Variants in OR51B5 observed in about 807,000 individuals in gnomAD.
The protein encoded by OR51B5 is olfactory receptor 51B5.
For missense variants in OR51B5, 456 were observed against 374.6 expected, an observed-to-expected ratio of 1.22 and a Z score of -1.79; for synonymous variants, 186 against 144.8, an observed-to-expected ratio of 1.28 and a Z score of -2.04.
At chr11:5,485,557 C>T (rs971249504) in intron 1 of OR51B5, among the ~76,000 whole-genome samples, 1 of 152,108 alleles carries the variant, frequency 6.6e-6, no homozygotes, top group Admixed American at 6.5e-5. Flanking sequence ...AGTCAAAGTC[C>T]CTTCTGTGGC....
intron 1 of OR51B5, among the ~76,000 whole-genome samples, chr11:5,483,949 A>G (rs955829755): frequency 6.6e-6 from 1 of 152,118 alleles, no homozygotes; most frequent in Non-Finnish European, 1.5e-5. Flanking sequence ...ACTCCCTTGA[A>G]CCTGCAGAGA....
At chr11:5,383,911 C>A (rs1172745338) in intron 1 of OR51B5, 2 of 152,156 alleles carry the variant, frequency 1.3e-5, no homozygotes, top group Non-Finnish European at 1.5e-5. Flanking sequence ...TTTGTTATTA[C>A]CTGCTGGTGA....
At chr11:5,494,673 G>A (rs1470369626) in intron 1 of OR51B5, among the ~76,000 whole-genome samples, 1 of 152,098 alleles carries the variant, frequency 6.6e-6, no homozygotes, top group Non-Finnish European at 1.5e-5. Context: ...CCTTCAACAA[G>A]TCATTTTCCC....
At chr11:5,411,036 T>A (rs1564804416) in intron 1 of OR51B5, among the ~76,000 whole-genome samples, 1 of 152,184 alleles carries the variant, frequency 6.6e-6, no homozygotes, top group African/African-American at 2.4e-5. Flanking sequence ...AGAAAACTAT[T>A]TTTTATAAAT....
intron 1 of OR51B5, chr11:5,403,436 T>C (rs1422896692): frequency 2.1e-6 from 1 of 471,598 alleles, no homozygotes; most frequent in East Asian, 7.0e-5. Flanking sequence ...TGATGGCCAA[T>C]GCCTACCTCT....
chr11:5,488,792 G>A (rs1407088223), intron 1 of OR51B5: 1 of 1,613,998 alleles, frequency 6.2e-7, no homozygotes. Flanking sequence ...GCCCACTTCT[G>A]GATTGCCATC....
chr11:5,400,778 T>C (rs1368410077), intron 1 of OR51B5, among the ~76,000 whole-genome samples: 1 of 152,232 alleles, frequency 6.6e-6, no homozygotes, highest in African/African-American at 2.4e-5. Flanking sequence ...GTTGCCTTGG[T>C]CCTGCAAGGT....
At chr11:5,466,315 T>C (rs1458651720) in intron 1 of OR51B5, among the ~76,000 whole-genome samples, 1 of 152,178 alleles carries the variant, frequency 6.6e-6, no homozygotes, top group Admixed American at 6.5e-5. Context: ...TATTTACATA[T>C]ATGTGATGAT....
intron 1 of OR51B5, among the ~76,000 whole-genome samples, chr11:5,365,345 A>C (rs1849348078): frequency 6.6e-6 from 1 of 152,226 alleles, no homozygotes; most frequent in Non-Finnish European, 1.5e-5. Flanking sequence ...CTGATGCCAA[A>C]GGCAAACCAA....
At chr11:5,443,863 G>GCA (rs533103895) in intron 1 of OR51B5, among the ~76,000 whole-genome samples, 5,143 of 150,770 alleles carry the variant, frequency 0.034, 99 homozygotes, top group Middle Eastern at 0.065. Context: ...AATATCATGA[G>GCA]CACACACACA....
chr11:5,397,093 T>A (rs572601992), intron 1 of OR51B5, among the ~76,000 whole-genome samples: 11 of 152,246 alleles, frequency 7.2e-5, no homozygotes, highest in African/African-American at 2.6e-4. Context: ...CCTAAAACCA[T>A]AAAAACTCTA....
intron 1 of OR51B5, among the ~76,000 whole-genome samples, chr11:5,382,479 C>A (rs1849623852): frequency 6.6e-6 from 1 of 152,142 alleles, no homozygotes; most frequent in Non-Finnish European, 1.5e-5. Flanking sequence ...ATAGATGCCC[C>A]TGAATAATAG....
chr11:5,377,196 C>A (rs1458269758), intron 1 of OR51B5, among the ~76,000 whole-genome samples: 1 of 151,952 alleles, frequency 6.6e-6, no homozygotes, highest in Admixed American at 6.6e-5. Flanking sequence ...ATAAACAGAA[C>A]CAAAGACAAA....
chr11:5,408,802 C>T (rs1011510898), intron 1 of OR51B5, among the ~76,000 whole-genome samples: 3 of 152,122 alleles, frequency 2.0e-5, no homozygotes, highest in Non-Finnish European at 4.4e-5. Context: ...TTTCTGTAGA[C>T]AAGATTTATG....
chr11:5,408,010 C>T (rs954880672), intron 1 of OR51B5, among the ~76,000 whole-genome samples: 1 of 152,048 alleles, frequency 6.6e-6, no homozygotes, highest in Non-Finnish European at 1.5e-5. Flanking sequence ...TTCTGGCTTC[C>T]CTCCCCAAAA....
chr11:5,401,220 G>A (rs1361138751), intron 1 of OR51B5, among the ~76,000 whole-genome samples: 1 of 152,186 alleles, frequency 6.6e-6, no homozygotes, highest in Non-Finnish European at 1.5e-5. Context: ...TTGCCGTAGT[G>A]TATTCAGCAG....
At chr11:5,401,081 C>G (rs1849961076) in intron 1 of OR51B5, among the ~76,000 whole-genome samples, 1 of 152,164 alleles carries the variant, frequency 6.6e-6, no homozygotes, top group Non-Finnish European at 1.5e-5. Context: ...GTTATAACTG[C>G]TGACCTAGAC....
rs114507302 is a variant in OR51B5, at chr11:5,443,541, G to A, written n.84+62028C>T. On this transcript the variant is annotated intron_variant and non_coding_transcript_variant, in intron 1 of 4. Transcript: ENST00000415970. Reference sequence around the variant, plus strand: ...TTTTTTTTCTTTACCTTTGCTGCAAGATTTTCTCTGAGTCATGAAGAAATA... The same window carrying A: ...TTTTTTTTCTTTACCTTTGCTGCAAAATTTTCTCTGAGTCATGAAGAAATA... Among the ~76,000 whole-genome samples, 1,165 of 150,456 alleles carry A rather than the reference G, an allele frequency of 7.7e-3. 14 individuals are homozygous for A. Among genetic ancestry groups the A allele is most frequent in the African/African-American group, 0.027 (1,094 of 40,814 alleles).
intron 1 of OR51B5, among the ~76,000 whole-genome samples, chr11:5,434,762 C>T (rs992835683): frequency 5.3e-5 from 8 of 152,130 alleles, no homozygotes; most frequent in African/African-American, 1.9e-4. Flanking sequence ...TCCTAAGATG[C>T]CTTATTTCAA....
Sources: gnomAD v4.1 joint callset for allele counts (sites outside exome capture counted in the v4.1 genomes callset) on GRCh38, gnomAD v4.1.1 for gene constraint, MANE v1.5 for transcripts, NCBI Gene and HGNC (gene_info 2026-07-23, HGNC 2026-07-21) for gene names.